Variants in FAM200C observed in about 807,000 individuals in gnomAD.
chr5:160,395,328 G>T, the FAM200C span: 1 of 1,614,176 alleles, frequency 6.2e-7, no homozygotes, highest in Non-Finnish European at 8.5e-7. Context: ...ACACCACCAT[G>T]CTGTCTGTTA....
chr5:160,393,741 C>A, the FAM200C span: 9 of 1,552,334 alleles, frequency 5.8e-6, no homozygotes, highest in Non-Finnish European at 7.8e-6. Flanking sequence ...AGCTTTTGTT[C>A]AATGATGTCC....
At chr5:160,395,368 G>C in the FAM200C span, 17 of 1,613,950 alleles carry the variant, frequency 1.1e-5, 1 homozygote, top group East Asian at 6.7e-5. Context: ...ATGGTCTGAG[G>C]TCAGCATTTG....
At chr5:160,394,935 T>G in the FAM200C span, 1 of 1,613,410 alleles carries the variant, frequency 6.2e-7, no homozygotes, top group Non-Finnish European at 8.5e-7. Context: ...ATTAGCTGAC[T>G]GCAGTCATCC....
the FAM200C span, chr5:160,395,275 T>C: frequency 1.9e-6 from 3 of 1,614,038 alleles, no homozygotes; most frequent in Non-Finnish European, 2.5e-6. Flanking sequence ...TCTGATCAGA[T>C]GGTGCTGGCA....
the FAM200C span, chr5:160,399,926 C>G: frequency 6.6e-6 from 1 of 152,304 alleles, no homozygotes; most frequent in African/African-American, 2.4e-5. Flanking sequence ...AGCCTCTGGC[C>G]GTCGGAACCA....
chr5:160,393,996 G>A, the FAM200C span: 8 of 1,613,410 alleles, frequency 5.0e-6, no homozygotes, highest in African/African-American at 5.3e-5. Flanking sequence ...CCACTAGCTC[G>A]TAATTCAGCA....
the FAM200C span, chr5:160,395,248 T>G: frequency 6.2e-7 from 1 of 1,614,078 alleles, no homozygotes. Flanking sequence ...CAACTCCAAA[T>G]GCTTTCAAGG....
the FAM200C span, chr5:160,395,007 G>C: frequency 1.2e-6 from 2 of 1,613,800 alleles, no homozygotes; most frequent in Non-Finnish European, 1.7e-6. Context: ...ATATCTTCTA[G>C]AACTTGCTGT....
At chr5:160,396,264 T>TA in the FAM200C span, among the ~76,000 whole-genome samples, 3 of 152,152 alleles carry the variant, frequency 2.0e-5, no homozygotes, top group African/African-American at 7.2e-5. Context: ...TTTTAATAGT[T>TA]AAAGACTAAA....
the FAM200C span, among the ~76,000 whole-genome samples, chr5:160,397,049 G>A: frequency 6.6e-6 from 1 of 152,180 alleles, no homozygotes; most frequent in Admixed American, 6.5e-5. Flanking sequence ...AGTGATCTGT[G>A]ACAAGAGACA....
At chr5:160,394,142 T>C in the FAM200C span, 3 of 1,613,576 alleles carry the variant, frequency 1.9e-6, no homozygotes, top group South Asian at 2.2e-5. Context: ...TTGTTGCAGA[T>C]GCAGTGTTAT....
chr5:160,395,226 C>T, the FAM200C span: 1 of 1,613,914 alleles, frequency 6.2e-7, no homozygotes, highest in Non-Finnish European at 8.5e-7. Flanking sequence ...AATAAAGTAT[C>T]CTCATGAGAT....
the FAM200C span, among the ~76,000 whole-genome samples, chr5:160,398,753 A>G: frequency 3.9e-5 from 6 of 152,218 alleles, no homozygotes; most frequent in South Asian, 1.2e-3. Context: ...ACTGCCCAAG[A>G]GGCTTGTGTT....
At chr5:160,395,308 ATGC>A in the FAM200C span, 1 of 1,614,212 alleles carries the variant, frequency 6.2e-7, no homozygotes. Context: ...TATTGAGATC[ATGC>A]CCAGCTACAC....
chr5:160,399,031 CTG>C, the FAM200C span, among the ~76,000 whole-genome samples: 1 of 152,170 alleles, frequency 6.6e-6, no homozygotes, highest in South Asian at 2.1e-4. Flanking sequence ...AAAGAAATGA[CTG>C]GCCTTAAGTT....
the FAM200C span, chr5:160,394,769 C>T: frequency 4.3e-6 from 7 of 1,614,038 alleles, no homozygotes; most frequent in South Asian, 7.7e-5. Flanking sequence ...ACCATCAGTA[C>T]AAACAGAGCC....
At chr5:160,396,696 T>TGG in the FAM200C span, among the ~76,000 whole-genome samples, 7 of 110,378 alleles carry the variant, frequency 6.3e-5, no homozygotes, top group African/African-American at 2.6e-4. Context: ...CAAGTCTCTG[T>TGG]GGAAAAAAAA....
the FAM200C span, chr5:160,395,417 G>C: frequency 6.2e-7 from 1 of 1,614,124 alleles, no homozygotes; most frequent in Non-Finnish European, 8.5e-7. Flanking sequence ...TGGACGCTGA[G>C]TTCCATCTAC....
chr5:160,398,199 T>C, the FAM200C span, among the ~76,000 whole-genome samples: 1 of 151,370 alleles, frequency 6.6e-6, no homozygotes, highest in Non-Finnish European at 1.5e-5. Flanking sequence ...CTGAGATCAT[T>C]GCAGTGAGCT....
Sources: gnomAD v4.1 joint callset for allele counts (sites outside exome capture counted in the v4.1 genomes callset) on GRCh38, gnomAD v4.1.1 for gene constraint, MANE v1.5 for transcripts.